KCTD8: variants seen among roughly 807,000 people sequenced by gnomAD.
The protein encoded by KCTD8 is BTB/POZ domain-containing protein KCTD8.
KCTD8 carries 27 observed loss-of-function variants against 31.5 expected under a neutral mutation model. The observed-to-expected ratio is 0.86, with a 90% CI of 0.63 to 1.18. KCTD8 has a LOEUF of 1.18. Ranked by LOEUF, KCTD8 falls within the 50% of genes most tolerant of loss-of-function variation. The pLI, the probability that KCTD8 is intolerant of heterozygous loss-of-function variation, is 0.00. For synonymous variants in KCTD8, 290 were observed against 280.0 expected, an observed-to-expected ratio of 1.04 and a Z score of -0.36; for missense variants, 658 against 647.7, an observed-to-expected ratio of 1.02 and a Z score of -0.17.
intron 1 of KCTD8, among the ~76,000 whole-genome samples, chr4:44,220,976 C>T (rs1162600146): frequency 1.3e-5 from 2 of 152,138 alleles, no homozygotes; most frequent in Non-Finnish European, 2.9e-5. Context: ...TACTATATAT[C>T]TGAATAAATC....
intron 1 of KCTD8, among the ~76,000 whole-genome samples, chr4:44,223,226 G>A (rs1009596254): frequency 3.9e-5 from 6 of 152,122 alleles, no homozygotes; most frequent in African/African-American, 1.4e-4. Context: ...GGACAAGAGC[G>A]GCTCAGGATT....
At chr4:44,177,109 G>T (rs996400523) in intron 1 of KCTD8, among the ~76,000 whole-genome samples, 8 of 152,254 alleles carry the variant, frequency 5.3e-5, no homozygotes, top group East Asian at 1.9e-4. Context: ...TTGGGGTAGG[G>T]TGGAGAAAAT....
intron 1 of KCTD8, among the ~76,000 whole-genome samples, chr4:44,273,963 T>G (rs764418040): frequency 4.9e-4 from 75 of 152,052 alleles, no homozygotes; most frequent in Non-Finnish European, 2.7e-4. Context: ...TTAAAAAATC[T>G]AACTGTTGTT....
intron 1 of KCTD8, among the ~76,000 whole-genome samples, chr4:44,384,142 C>CA (rs66754022): frequency 0.023 from 3,432 of 148,948 alleles, 140 homozygotes; most frequent in African/African-American, 0.081. Flanking sequence ...TGCCTATTAT[C>CA]AAAAAAAAAC....
chr4:44,327,764 G>A (rs972879610), intron 1 of KCTD8, among the ~76,000 whole-genome samples: 3 of 151,696 alleles, frequency 2.0e-5, no homozygotes, highest in East Asian at 1.9e-4. Context: ...TCTGTGCCTC[G>A]ACAGCCCCAT....
At chr4:44,255,856 C>T (rs553559366) in intron 1 of KCTD8, among the ~76,000 whole-genome samples, 1 of 152,026 alleles carries the variant, frequency 6.6e-6, no homozygotes, top group African/African-American at 2.4e-5. Flanking sequence ...ACAGGACACA[C>T]AGGAAAGTGT....
rs760060899 is a variant in KCTD8 at position 44,317,228 on chromosome 4, C to CTTTTTTTTTTTTTTTTTTTTTTTTTT, written c.961+130334_961+130335insAAAAAAAAAAAAAAAAAAAAAAAAAA. On this transcript the variant is annotated intron_variant, in intron 1 of 1. Transcript: ENST00000360029. ...TTTATGTATTGCCTATGGGTGCTTTCTTTTTTTTTTTTTTTTTTTTTTGAG... is the reference window on the plus strand; with the variant it reads ...TTTATGTATTGCCTATGGGTGCTTTCTTTTTTTTTTTTTTTTTTTTTTTTTTTTTTTTTTTTTTTTTTTTTTTTGAG... 7.9e-4 allele frequency among the ~76,000 whole-genome samples: 29 copies of CTTTTTTTTTTTTTTTTTTTTTTTTTT among 36,536 alleles called. 8 individuals are homozygous for CTTTTTTTTTTTTTTTTTTTTTTTTTT. The highest frequency in any genetic ancestry group is 1.1e-3 in the Non-Finnish European group (23 of 21,198). 24.0% of individuals were successfully genotyped at this position (36,536 alleles called of 152,430 possible). A position where few individuals can be genotyped will look rare whatever the true frequency, so the allele number is the denominator to read the frequency against.
chr4:44,218,216 C>A (rs1714706481), intron 1 of KCTD8, among the ~76,000 whole-genome samples: 1 of 148,248 alleles, frequency 6.7e-6, no homozygotes, highest in African/African-American at 2.5e-5. Context: ...TCACTGAAAC[C>A]TCCACCTCCT....
intron 1 of KCTD8, among the ~76,000 whole-genome samples, chr4:44,226,306 A>G (rs1169253250): frequency 6.6e-6 from 1 of 151,862 alleles, no homozygotes; most frequent in African/African-American, 2.4e-5. Context: ...GTTTTGTGTT[A>G]CTGTGTTAGT....
At chr4:44,192,006 C>T (rs1047624144) in intron 1 of KCTD8, among the ~76,000 whole-genome samples, 6 of 152,114 alleles carry the variant, frequency 3.9e-5, no homozygotes, top group South Asian at 2.1e-4. Context: ...ACGGATCTAC[C>T]GATATGTGAT....
chr4:44,266,044 G>A (rs1350811080), intron 1 of KCTD8, among the ~76,000 whole-genome samples: 3 of 151,886 alleles, frequency 2.0e-5, no homozygotes, highest in African/African-American at 7.3e-5. Context: ...TACAGAGAAC[G>A]CCACCAAGAT....
At chr4:44,191,961 T>A (rs114302302) in intron 1 of KCTD8, among the ~76,000 whole-genome samples, 4,845 of 152,208 alleles carry the variant, frequency 0.032, 258 homozygotes, top group African/African-American at 0.11. Flanking sequence ...AAATCCCTAA[T>A]AAAAATTGCT....
intron 1 of KCTD8, among the ~76,000 whole-genome samples, chr4:44,271,334 G>A (rs1182018775): frequency 6.6e-6 from 1 of 152,086 alleles, no homozygotes; most frequent in Non-Finnish European, 1.5e-5. Context: ...GATATATTGA[G>A]TATGCCAGAT....
intron 1 of KCTD8, among the ~76,000 whole-genome samples, chr4:44,296,428 G>T (rs1214963718): frequency 6.6e-6 from 1 of 151,608 alleles, no homozygotes; most frequent in Non-Finnish European, 1.5e-5. Flanking sequence ...AGTGTCACAT[G>T]TGTTAATTAG....
chr4:44,264,524 G>A (rs1716277218), intron 1 of KCTD8, among the ~76,000 whole-genome samples: 1 of 152,178 alleles, frequency 6.6e-6, no homozygotes, highest in African/African-American at 2.4e-5. Flanking sequence ...GGGAGTGCCA[G>A]ACAGTGGGCG....
chr4:44,200,737 G>T (rs570981632), intron 1 of KCTD8, among the ~76,000 whole-genome samples: 3 of 152,026 alleles, frequency 2.0e-5, no homozygotes, highest in South Asian at 4.2e-4. Context: ...TTGCCCTTGA[G>T]ACCTAGAATA....
intron 1 of KCTD8, among the ~76,000 whole-genome samples, chr4:44,390,725 A>T (rs1271063011): frequency 6.6e-6 from 1 of 151,934 alleles, no homozygotes; most frequent in Non-Finnish European, 1.5e-5. Context: ...TCAATAATTC[A>T]AAAAATAACA....
In KCTD8 at chr4:44,399,227, C is replaced by A. The variant is rs557130947; in HGVS notation, c.961+48336G>T. On this transcript the variant is annotated intron_variant, in intron 1 of 1. Transcript: ENST00000360029. ...TCCATTAGGCGAGAACAATTTCAAT[C>A]AAGAAAGTAGTGAAAGGCAGACGTC... 7.9e-5 allele frequency among the ~76,000 whole-genome samples: 12 copies of A among 152,094 alleles called. No individual in the cohort carries two copies. The South Asian group carries it at 2.5e-3, about 32-fold the overall frequency.
rs73179312 is a variant in KCTD8 at position 44,421,629 on chromosome 4, G to A, written c.961+25934C>T. ...CTTCCAATTGGTGGAATAAATTACCGAATATTAGGCTTTGGAGAGCCCTTA... is the reference window on the plus strand; with the variant it reads ...CTTCCAATTGGTGGAATAAATTACCAAATATTAGGCTTTGGAGAGCCCTTA... On this transcript the variant is annotated intron_variant, in intron 1 of 1. Transcript: ENST00000360029. 3.6e-3 allele frequency among the ~76,000 whole-genome samples: 547 copies of A among 152,110 alleles called. 1 individual carries two copies. Among genetic ancestry groups the A allele is most frequent in the African/African-American group, 0.012 (490 of 41,514 alleles).
Sources: gnomAD v4.1 joint callset for allele counts (sites outside exome capture counted in the v4.1 genomes callset) on GRCh38, gnomAD v4.1.1 for gene constraint, MANE v1.5 for transcripts, NCBI Gene and HGNC (gene_info 2026-07-23, HGNC 2026-07-21) for gene names.